Variants in CTIF observed in about 807,000 individuals in gnomAD.
CTIF encodes cap binding complex dependent translation initiation factor, also known as CBP80/20-dependent translation initiation factor.
A neutral mutation model predicts 66.0 loss-of-function variants in CTIF; 21 were observed. The observed-to-expected ratio is 0.32, with a 90% CI of 0.23 to 0.46. The LOEUF (loss-of-function observed/expected upper bound fraction) is 0.46. CTIF is among the 20% of genes least tolerant of loss of function. The probability of loss-of-function intolerance (pLI) is 1.00; values close to 1 mark genes in which losing one functional copy is unlikely to be tolerated. For missense variants in CTIF, 739 were observed against 812.7 expected, an observed-to-expected ratio of 0.91 and a Z score of 1.10; for synonymous variants, 345 against 326.4, an observed-to-expected ratio of 1.06 and a Z score of -0.62.
chr18:48,582,583 T>C (rs1026377059), intron 1 of CTIF, among the ~76,000 whole-genome samples: 1 of 152,080 alleles, frequency 6.6e-6, no homozygotes, highest in Non-Finnish European at 1.5e-5. Flanking sequence ...TCCCCCTATG[T>C]GCTGTGGTGC....
chr18:48,664,399 G>A (rs2091399073), intron 4 of CTIF, 48 bp from the exon 5 acceptor site: 4 of 1,507,482 alleles, frequency 2.7e-6, no homozygotes, highest in Non-Finnish European at 3.7e-6. Flanking sequence ...GTCAGTAACT[G>A]GGCTGTTGCC....
At chr18:48,754,673 G>A (rs755243919) in intron 7 of CTIF, among the ~76,000 whole-genome samples, 4 of 152,204 alleles carry the variant, frequency 2.6e-5, no homozygotes, top group Admixed American at 6.5e-5. Flanking sequence ...GGACTCCCTG[G>A]CTTCCCTCCC....
At chr18:48,648,397 T>C (rs1231062863) in intron 3 of CTIF, among the ~76,000 whole-genome samples, 1 of 152,042 alleles carries the variant, frequency 6.6e-6, no homozygotes, top group Non-Finnish European at 1.5e-5. Context: ...GCTGTTCTCC[T>C]GCTTCAAAGG....
chr18:48,769,494 C>T (rs556407362), intron 9 of CTIF, among the ~76,000 whole-genome samples: 1 of 152,374 alleles, frequency 6.6e-6, no homozygotes, highest in East Asian at 1.9e-4. Flanking sequence ...AAGCCCGTGC[C>T]CTGCAAGGGA....
Position 48,663,780 on chromosome 18 carries a change from T to C in CTIF, c.281T>C (p.Met94Thr), listed in dbSNP as rs1329265927. 4.3e-6 allele frequency: 7 copies of C among 1,614,020 alleles called. No individual in the cohort carries two copies. The Admixed American group carries it at 6.7e-5, about 15-fold the overall frequency. ...GGCAGCAAAGACAACTCTCTGGACA[T>C]GCTGGGCACGGACATCTGGGCGGCC... ...QNGSKDNSLDMLGTDIWAANT... is the reference protein window; with the variant it reads ...QNGSKDNSLDTLGTDIWAANT... Residue 94 changes from methionine to threonine, a missense_variant, in exon 4 of 12, where the codon ATG becomes ACG. Physicochemically the swap from Met to Thr is moderately conservative, Grantham distance 81. This residue lies in a region of CTIF where 529 missense variants were observed against 520.3 expected (regional missense o/e 1.02). Transcript: ENST00000256413.
At position 48,758,201 on chromosome 18, in the gene CTIF, C is replaced by T. The variant is rs140482288; in HGVS notation, c.867C>T (p.Thr289=). Residue 289 remains threonine (T), a synonymous_variant, in exon 8 of 12, where the codon ACC becomes ACT. Transcript: ENST00000256413. ...NPKLEDTAGD[T]GHSSLEAPRS... ...AACTGGAGGACACTGCAGGGGACAC[C>T]GGGCACAGCAGCCTTGAGGCCCCCC... 3.7e-5 allele frequency: 59 copies of T among 1,613,634 alleles called. No individual in the cohort carries two copies. Among genetic ancestry groups the T allele is most frequent in the African/African-American group, 6.7e-5 (5 of 74,870 alleles).
At chr18:48,765,096 C>T (rs1290934715) in intron 9 of CTIF, among the ~76,000 whole-genome samples, 1 of 152,238 alleles carries the variant, frequency 6.6e-6, no homozygotes, top group Non-Finnish European at 1.5e-5. Context: ...CCGAGAGGTG[C>T]AAGAAAAGAA....
chr18:48,685,610 A>G (rs1217991401), intron 6 of CTIF, among the ~76,000 whole-genome samples: 2 of 152,178 alleles, frequency 1.3e-5, no homozygotes, highest in Non-Finnish European at 2.9e-5. Context: ...GGATTTCGTG[A>G]TGTTGACATT....
At chr18:48,692,870 G>A (rs1426585776) in intron 6 of CTIF, among the ~76,000 whole-genome samples, 1 of 152,156 alleles carries the variant, frequency 6.6e-6, no homozygotes, top group Admixed American at 6.5e-5. Context: ...ATCTCCTCAG[G>A]TCATTATACT....
At chr18:48,553,736 A>G (rs1443518308) in intron 1 of CTIF, among the ~76,000 whole-genome samples, 1 of 151,406 alleles carries the variant, frequency 6.6e-6, no homozygotes. Context: ...GCTCACTGCA[A>G]GCTCCGCCTC....
At chr18:48,720,835 G>A (rs1002321980) in intron 7 of CTIF, among the ~76,000 whole-genome samples, 4 of 152,174 alleles carry the variant, frequency 2.6e-5, no homozygotes, top group African/African-American at 9.7e-5. Flanking sequence ...AGAACAAGCT[G>A]CAGAGAGTGG....
intron 9 of CTIF, among the ~76,000 whole-genome samples, chr18:48,804,040 G>A (rs1392059912): frequency 6.6e-6 from 1 of 152,202 alleles, no homozygotes; most frequent in Non-Finnish European, 1.5e-5. Flanking sequence ...TCTTCAGCTA[G>A]TCTGAGATGG....
intron 1 of CTIF, among the ~76,000 whole-genome samples, chr18:48,594,135 G>A (rs533841397): frequency 9.9e-5 from 15 of 151,444 alleles, no homozygotes; most frequent in African/African-American, 3.6e-4. Flanking sequence ...CGTGAACTGT[G>A]GCTGCAGTCT....
At chr18:48,683,796 G>A (rs1787848020) in intron 6 of CTIF, among the ~76,000 whole-genome samples, 5 of 152,186 alleles carry the variant, frequency 3.3e-5, no homozygotes, top group Admixed American at 2.6e-4. Context: ...TGCCAGCCTG[G>A]CCGGGATCCA....
intron 7 of CTIF, chr18:48,756,234 C>G (rs1908349351): frequency 6.6e-6 from 1 of 152,292 alleles, no homozygotes; most frequent in Admixed American, 6.5e-5. Flanking sequence ...TGACAAGGTA[C>G]CCAGCACCCC....
chr18:48,659,403 TCTC>T (rs1412232443), intron 3 of CTIF, among the ~76,000 whole-genome samples: 3 of 152,288 alleles, frequency 2.0e-5, no homozygotes, highest in East Asian at 1.9e-4. Flanking sequence ...TCCTCATTCT[TCTC>T]AGTGCTGTCA....
intron 7 of CTIF, among the ~76,000 whole-genome samples, chr18:48,736,601 T>TG (rs2092505814): frequency 6.6e-6 from 1 of 152,152 alleles, no homozygotes. Flanking sequence ...TGAGTCGTGA[T>TG]GGGGGTTGGG....
chr18:48,787,047 G>C (rs146534924), intron 9 of CTIF, among the ~76,000 whole-genome samples: 1 of 152,172 alleles, frequency 6.6e-6, no homozygotes, highest in Non-Finnish European at 1.5e-5. Context: ...GGGCCCTGTG[G>C]CTGGGAGTTT....
chr18:48,757,189 C>T (rs1435325870), intron 7 of CTIF, among the ~76,000 whole-genome samples: 1 of 152,198 alleles, frequency 6.6e-6, no homozygotes, highest in African/African-American at 2.4e-5. Context: ...AGGGCCCATC[C>T]TAACAGCCTC....
Sources: gnomAD v4.1 joint callset for allele counts (sites outside exome capture counted in the v4.1 genomes callset) on GRCh38, gnomAD v4.1.1 for gene constraint, gnomAD v4.1.1 regional missense constraint, MANE v1.5 for transcripts, NCBI Gene and HGNC (gene_info 2026-07-23, HGNC 2026-07-21) for gene names.